The following SYNPO variants were observed in gnomAD, a reference collection of about 807,000 sequenced individuals.
The protein encoded by SYNPO is synaptopodin.
A neutral mutation model predicts 49.5 loss-of-function variants in SYNPO; 19 were observed. The ratio of observed to expected loss-of-function variants is 0.38; its 90% CI spans 0.27 to 0.56. The LOEUF is 0.56. Ranked by LOEUF, SYNPO falls within the 20% of genes least tolerant of loss-of-function variation. The probability of loss-of-function intolerance (pLI) is 0.68; values close to 1 mark genes in which losing one functional copy is unlikely to be tolerated. For synonymous variants in SYNPO, 536 were observed against 548.0 expected (o/e 0.98, Z 0.31); for missense variants, 1,131 against 1,248.3 (o/e 0.91, Z 1.42).
chr5:150,600,508 C>T (rs1233764294), upstream of SYNPO, among the ~76,000 whole-genome samples: 1 of 152,248 alleles, frequency 6.6e-6, no homozygotes, highest in African/African-American at 2.4e-5. Context: ...AAGTCCCTGC[C>T]CCTTTCTGAG....
the SYNPO span, among the ~76,000 whole-genome samples, chr5:150,592,381 C>A: frequency 6.6e-6 from 1 of 152,092 alleles, no homozygotes; most frequent in Non-Finnish European, 1.5e-5. Flanking sequence ...ACCCCACCCT[C>A]AATGAATGAA....
At chr5:150,624,955 C>G (rs927966397) in intron 2 of SYNPO, 1 of 985,424 alleles carries the variant, frequency 1.0e-6, no homozygotes. Context: ...CCGCGCGAGC[C>G]TCGCCCCTTC....
chr5:150,656,621 C>T lies in SYNPO; in HGVS notation c.2246C>T (p.Pro749Leu). ...PLRPETEARP[P>L]SRQLQALLAR... Reference sequence around the variant, plus strand: ...CGACCTGAGACCGAGGCGCGGCCCCCCAGCCGCCAGCTGCAGGCGCTTCTG... The same window carrying T: ...CGACCTGAGACCGAGGCGCGGCCCCTCAGCCGCCAGCTGCAGGCGCTTCTG... The change falls in exon 3 of 3, where the codon CCC (proline) becomes CTC (leucine). Residue 749 changes from proline (P) to leucine (L), a missense_variant. Physicochemically the swap from Pro to Leu is moderately conservative, Grantham distance 98. Transcript: ENST00000307662. The T allele has an allele frequency of 1.3e-6, 2 of 1,511,826 alleles. No individual in the cohort carries two copies. The highest frequency in any genetic ancestry group is 1.8e-6 in the Non-Finnish European group (2 of 1,137,776). 93.7% of individuals were successfully genotyped at this position (1,511,826 alleles called of 1,614,324 possible).
chr5:150,625,373 G>T (rs1397893651), intron 2 of SYNPO, among the ~76,000 whole-genome samples: 1 of 152,178 alleles, frequency 6.6e-6, no homozygotes. Flanking sequence ...GGGGCAGCGG[G>T]AACGGCCAGT....
the SYNPO span, among the ~76,000 whole-genome samples, chr5:150,591,779 T>C: frequency 6.6e-6 from 1 of 152,122 alleles, no homozygotes; most frequent in Non-Finnish European, 1.5e-5. Flanking sequence ...AGACTTGTTC[T>C]CTCTCTCTCT....
chr5:150,603,677 C>G (rs1229124589), intron 1 of SYNPO, among the ~76,000 whole-genome samples: 5 of 152,174 alleles, frequency 3.3e-5, no homozygotes, highest in Admixed American at 1.3e-4. Context: ...GGACAGCATC[C>G]TTGGGTAGGG....
chr5:150,618,102 G>T lies in SYNPO; in HGVS notation c.-265-1G>T, dbSNP rs1757031455. The T allele has an allele frequency of 2.4e-6, 1 of 411,202 alleles. No individual in the cohort carries two copies. Among genetic ancestry groups the T allele is most frequent in the South Asian group, 5.6e-5 (1 of 17,778 alleles). 25.5% of individuals were successfully genotyped at this position (411,202 alleles called of 1,614,324 possible). On this transcript the variant is annotated splice_acceptor_variant, in intron 1 of 2. Transcript: ENST00000394243. LOFTEE classifies it low-confidence loss of function (5UTR_SPLICE). The stretch of plus-strand genomic sequence containing the variant: ...TGTTTCTTTCTTCCCTATGCCGATA[G>T]ATTGCCCCAAAGCGGCCTCACACCA...
At chr5:150,603,769 A>T (rs1756615083) in intron 1 of SYNPO, among the ~76,000 whole-genome samples, 1 of 152,192 alleles carries the variant, frequency 6.6e-6, no homozygotes, top group South Asian at 2.1e-4. Context: ...CCTGACCCTG[A>T]CATGCAGTGT....
chr5:150,588,517 C>A, the SYNPO span, among the ~76,000 whole-genome samples: 1 of 152,182 alleles, frequency 6.6e-6, no homozygotes, highest in Non-Finnish European at 1.5e-5. Context: ...ACCTCTGCAG[C>A]AGCCATGGAA....
chr5:150,623,162 C>T (rs918166209), intron 2 of SYNPO, among the ~76,000 whole-genome samples: 1 of 152,162 alleles, frequency 6.6e-6, no homozygotes, highest in African/African-American at 2.4e-5. Flanking sequence ...CACAAACACA[C>T]ATATTCCCTC....
At chr5:150,602,804 G>A (rs943757075) in intron 1 of SYNPO, among the ~76,000 whole-genome samples, 2 of 152,024 alleles carry the variant, frequency 1.3e-5, no homozygotes, top group South Asian at 2.1e-4. Flanking sequence ...GCTTCCCAGC[G>A]CGCTGGGATT....
intron 1 of SYNPO, chr5:150,608,540 AT>A (rs1228891021): frequency 6.6e-6 from 1 of 151,916 alleles, no homozygotes; most frequent in Non-Finnish European, 1.5e-5. Context: ...AAACAAATGA[AT>A]AAAACCCACT....
intron 1 of SYNPO, among the ~76,000 whole-genome samples, chr5:150,612,221 G>C (rs552359676): frequency 6.6e-6 from 1 of 152,316 alleles, no homozygotes; most frequent in Admixed American, 6.5e-5. Flanking sequence ...TTCCAGACAG[G>C]AATCTGGTGG....
At chr5:150,619,555 G>GC in intron 2 of SYNPO, among the ~76,000 whole-genome samples, 1 of 152,160 alleles carries the variant, frequency 6.6e-6, no homozygotes, top group East Asian at 1.9e-4. Flanking sequence ...GGACAGGGAA[G>GC]CCCACGCTGA....
intron 2 of SYNPO, among the ~76,000 whole-genome samples, chr5:150,626,571 A>G (rs1757364080): frequency 6.6e-6 from 1 of 152,212 alleles, no homozygotes; most frequent in Admixed American, 6.5e-5. Flanking sequence ...ACCAGCATTT[A>G]CATGGCTAAA....
intron 2 of SYNPO, chr5:150,651,184 A>G (rs1171049805): frequency 3.9e-6 from 4 of 1,018,372 alleles, no homozygotes; most frequent in Non-Finnish European, 4.7e-6. Flanking sequence ...GCCCCTAGCC[A>G]TGTATCCATT....
chr5:150,633,792 T>C (rs1490520070), intron 2 of SYNPO, among the ~76,000 whole-genome samples: 1 of 152,216 alleles, frequency 6.6e-6, no homozygotes, highest in Non-Finnish European at 1.5e-5. Context: ...ATAAAAGTGT[T>C]GTGCATATTC....
intron 2 of SYNPO, chr5:150,650,791 C>T: frequency 1.5e-6 from 2 of 1,291,632 alleles, no homozygotes; most frequent in Non-Finnish European, 2.0e-6. Flanking sequence ...AGGGGGGCCT[C>T]CCTCCTGAGG....
At chr5:150,612,605 G>A (rs919455512) in intron 1 of SYNPO, among the ~76,000 whole-genome samples, 5 of 152,230 alleles carry the variant, frequency 3.3e-5, no homozygotes, top group African/African-American at 9.6e-5. Flanking sequence ...GCAAGTCATC[G>A]CAGCTCCATT....
Sources: gnomAD v4.1 joint callset for allele counts (sites outside exome capture counted in the v4.1 genomes callset) on GRCh38, gnomAD v4.1.1 for gene constraint, MANE v1.5 for transcripts, NCBI Gene and HGNC (gene_info 2026-07-23, HGNC 2026-07-21) for gene names.